Variants in SPECC1 observed in about 807,000 individuals in gnomAD.
SPECC1 encodes cytospin-B.
SPECC1 carries 62 observed loss-of-function variants against 104.1 expected under a neutral mutation model. The ratio of observed to expected loss-of-function variants is 0.60; its 90% CI spans 0.49 to 0.74. The LOEUF is 0.74. Among genes scored for constraint, SPECC1 ranks in the 30% least tolerant of loss-of-function variants. The pLI is 0.00. For missense variants in SPECC1, 1,306 were observed against 1,310.5 expected (o/e 1.00, Z 0.05); for synonymous variants, 513 against 501.6 (o/e 1.02, Z -0.30).
At chr17:20,196,193 A>G (rs1357811800) in intron 3 of SPECC1, among the ~76,000 whole-genome samples, 1 of 152,250 alleles carries the variant, frequency 6.6e-6, no homozygotes, top group Non-Finnish European at 1.5e-5. Context: ...TACCAAAAAT[A>G]TATTCTACTT....
chr17:20,098,841 C>A (rs1190056103), intron 2 of SPECC1, among the ~76,000 whole-genome samples: 1 of 152,212 alleles, frequency 6.6e-6, no homozygotes, highest in Non-Finnish European at 1.5e-5. Flanking sequence ...GGAAAGTAAG[C>A]CCCCTGCAGA....
At chr17:20,201,198 C>A (rs937274769) in intron 3 of SPECC1, among the ~76,000 whole-genome samples, 1 of 151,818 alleles carries the variant, frequency 6.6e-6, no homozygotes, top group Non-Finnish European at 1.5e-5. Context: ...CGGTGGCTCA[C>A]GCCTGTCATC....
intron 13 of SPECC1, among the ~76,000 whole-genome samples, chr17:20,305,007 A>G (rs1379268367): frequency 6.6e-6 from 1 of 152,122 alleles, no homozygotes; most frequent in Non-Finnish European, 1.5e-5. Flanking sequence ...TTTTGAAGAA[A>G]GGCAGGGTCC....
rs371629332 is a variant in SPECC1 at position 20,244,980 on chromosome 17, A to G, written c.2352-946A>G. The stretch of plus-strand genomic sequence containing the variant: ...AATGATCTATCATAGAATGCTTTCT[A>G]TGAGTCTAGAAGCCTCATGAAGAAC... On this transcript the variant is annotated intron_variant, in intron 7 of 14. Coordinates refer to ENST00000395527, the MANE Select transcript of SPECC1 (RefSeq NM_001243439.2). Among the ~76,000 whole-genome samples, 35 of 152,330 alleles carry G rather than the reference A, an allele frequency of 2.3e-4. No homozygotes were observed. The South Asian group carries it at 3.1e-3, about 14-fold the overall frequency.
intron 1 of SPECC1, among the ~76,000 whole-genome samples, chr17:20,080,669 C>T (rs550091855): frequency 4.6e-5 from 7 of 152,094 alleles, no homozygotes; most frequent in Admixed American, 3.3e-4. Context: ...AGCTTGAGGG[C>T]CTCTCCGGGT....
At chr17:20,172,568 G>C (rs539745014) in intron 3 of SPECC1, among the ~76,000 whole-genome samples, 1 of 152,260 alleles carries the variant, frequency 6.6e-6, no homozygotes, top group East Asian at 1.9e-4. Flanking sequence ...ACAAATTCAG[G>C]CTTCTTTCTA....
chr17:20,100,625 T>C (rs1375337218), intron 2 of SPECC1, among the ~76,000 whole-genome samples: 1 of 152,242 alleles, frequency 6.6e-6, no homozygotes, highest in Admixed American at 6.5e-5. Context: ...TGACTTTCTT[T>C]TTTTAAATTT....
chr17:20,185,227 G>A (rs2035183613), intron 3 of SPECC1: 1 of 152,328 alleles, frequency 6.6e-6, no homozygotes, highest in Admixed American at 6.5e-5. Flanking sequence ...CCTACAGTGT[G>A]ACTCTGCCAC....
chr17:20,079,401 G>C (rs1022032695), intron 1 of SPECC1, among the ~76,000 whole-genome samples: 1 of 152,138 alleles, frequency 6.6e-6, no homozygotes, highest in Non-Finnish European at 1.5e-5. Context: ...CTGTGCTCAA[G>C]AGATCTTCCC....
intron 2 of SPECC1, 90 bp from the exon 3 acceptor site, chr17:20,110,337 C>T (rs2048422780): frequency 3.5e-6 from 5 of 1,438,710 alleles, no homozygotes; most frequent in Non-Finnish European, 4.7e-6. Context: ...CTGCTGGGCA[C>T]ATAGCCCAGC....
intron 3 of SPECC1, among the ~76,000 whole-genome samples, chr17:20,174,715 TTTC>T (rs1490844561): frequency 6.6e-6 from 1 of 152,068 alleles, no homozygotes; most frequent in African/African-American, 2.4e-5. Context: ...CACCGAGTAT[TTTC>T]TTCTTTCAAA....
intron 12 of SPECC1, among the ~76,000 whole-genome samples, chr17:20,275,249 G>A (rs2040537866): frequency 6.6e-6 from 1 of 152,136 alleles, no homozygotes; most frequent in Non-Finnish European, 1.5e-5. Context: ...CTACTTGATT[G>A]TGGTTATTCT....
chr17:20,183,652 T>C (rs2035061544), intron 3 of SPECC1, among the ~76,000 whole-genome samples: 1 of 152,220 alleles, frequency 6.6e-6, no homozygotes, highest in African/African-American at 2.4e-5. Context: ...GTTTAAATGA[T>C]GTCCAGATTA....
chr17:20,238,932 A>G, intron 7 of SPECC1: 1 of 1,040,930 alleles, frequency 9.6e-7, no homozygotes, highest in Non-Finnish European at 1.2e-6. Flanking sequence ...ACGTTTCTGC[A>G]GGGCCTTTAT....
At chr17:20,040,290 C>G (rs903910446) in intron 1 of SPECC1, among the ~76,000 whole-genome samples, 1 of 152,056 alleles carries the variant, frequency 6.6e-6, no homozygotes, top group Non-Finnish European at 1.5e-5. Context: ...ATTTATAATT[C>G]TCTGCATACA....
chr17:20,144,175 C>CTTTTTTTTT (rs1168474738), intron 3 of SPECC1, among the ~76,000 whole-genome samples: 3 of 94,406 alleles, frequency 3.2e-5, no homozygotes, highest in Admixed American at 1.2e-4. Context: ...TTTTTCTTTT[C>CTTTTTTTTT]TTTTTTTTTT....
chr17:20,105,640 T>TC (rs545951755), intron 2 of SPECC1, among the ~76,000 whole-genome samples: 62 of 152,224 alleles, frequency 4.1e-4, no homozygotes, highest in African/African-American at 1.4e-3. Context: ...ACCTGTGCTT[T>TC]CCCCCCGGTC....
chr17:20,205,805 G>C lies in SPECC1; in HGVS notation c.1756G>C (p.Val586Leu). The C allele has an allele frequency of 6.2e-7, 1 of 1,614,214 alleles. No homozygotes were observed. The highest frequency in any genetic ancestry group is 1.1e-5 in the South Asian group (1 of 91,082). The stretch of plus-strand genomic sequence containing the variant: ...CTGCGAAGTTCAAGAAATGTTGAAA[G>C]TAGCCCGAGCAGAGAAAGATCTACT... ...ESCEVQEMLK[V>L]ARAEKDLLEL... Residue 586 changes from valine (V) to leucine (L), a missense_variant, in exon 4 of 15, where the codon GTA becomes CTA. Physicochemically the swap from Val to Leu is conservative, Grantham distance 32. Transcript: ENST00000395527.
chr17:20,164,496 G>GT (rs556867506), intron 3 of SPECC1, among the ~76,000 whole-genome samples: 17 of 151,696 alleles, frequency 1.1e-4, no homozygotes, highest in South Asian at 4.2e-4. Context: ...GTTTGCTGAG[G>GT]TTTTTTTTAA....
Sources: gnomAD v4.1 joint callset for allele counts (sites outside exome capture counted in the v4.1 genomes callset) on GRCh38, gnomAD v4.1.1 for gene constraint, MANE v1.5 for transcripts, NCBI Gene and HGNC (gene_info 2026-07-23, HGNC 2026-07-21) for gene names.